Variants in MACROD2 observed in about 807,000 individuals in gnomAD.
The protein encoded by MACROD2 is mono-ADP ribosylhydrolase 2.
MACROD2 carries 36 observed loss-of-function variants against 70.4 expected under a neutral mutation model. That is an observed-to-expected ratio of 0.51 (90% CI 0.39 to 0.68). The LOEUF (loss-of-function observed/expected upper bound fraction) is 0.68, where lower values mean the gene tolerates loss of function less well. Ranked by LOEUF, MACROD2 falls within the 30% of genes least tolerant of loss-of-function variation. The pLI is 0.00. For synonymous variants in MACROD2, 172 were observed against 178.8 expected, an observed-to-expected ratio of 0.96 and a Z score of 0.30; for missense variants, 496 against 538.4, an observed-to-expected ratio of 0.92 and a Z score of 0.78.
chr20:15,603,315 T>C (rs2048847860), intron 8 of MACROD2, among the ~76,000 whole-genome samples: 1 of 151,244 alleles, frequency 6.6e-6, no homozygotes, highest in African/African-American at 2.4e-5. Flanking sequence ...CCTGGCCAAC[T>C]GGTGAAACCC....
rs1192411529 is a variant in MACROD2 at position 15,099,960 on chromosome 20, A to AG, written c.419-129979dup. On this transcript the variant is annotated intron_variant, in intron 5 of 17. Coordinates refer to ENST00000684519, the MANE Select transcript of MACROD2 (RefSeq NM_001351661.2). The stretch of plus-strand genomic sequence containing the variant: ...TTGAAAAAAAAAATTCAAAAGAAAA[A>AG]GAAAAAAAAAGAAATGGGAGGAAAG... Among the ~76,000 whole-genome samples the AG allele has an allele frequency of 3.9e-5, 6 of 151,998 alleles. No individual in the cohort carries two copies. The East Asian group carries it at 1.2e-3, about 29-fold the overall frequency.
At chr20:14,134,515 A>C (rs2054764003) in intron 3 of MACROD2, among the ~76,000 whole-genome samples, 1 of 152,204 alleles carries the variant, frequency 6.6e-6, no homozygotes, top group African/African-American at 2.4e-5. Flanking sequence ...GTTTATAAAG[A>C]GAATGATACG....
At chr20:16,002,540 CGATTGA>C (rs954659702) in intron 15 of MACROD2, among the ~76,000 whole-genome samples, 4 of 151,974 alleles carry the variant, frequency 2.6e-5, no homozygotes, top group African/African-American at 9.7e-5. Flanking sequence ...CACAAGAGAG[CGATTGA>C]GATTTGAACA....
chr20:15,005,014 G>T (rs1166154207), intron 5 of MACROD2, among the ~76,000 whole-genome samples: 1 of 152,142 alleles, frequency 6.6e-6, no homozygotes, highest in Non-Finnish European at 1.5e-5. Flanking sequence ...GTCTTTCTAG[G>T]TGGAACAACA....
At chr20:14,209,100 A>G (rs1359373954) in intron 3 of MACROD2, among the ~76,000 whole-genome samples, 2 of 152,234 alleles carry the variant, frequency 1.3e-5, no homozygotes, top group Admixed American at 1.3e-4. Flanking sequence ...GAATGTGGAA[A>G]CAAATAAATT....
chr20:14,697,504 A>G (rs1335863186), intron 5 of MACROD2, among the ~76,000 whole-genome samples: 1 of 152,182 alleles, frequency 6.6e-6, no homozygotes, highest in South Asian at 2.1e-4. Flanking sequence ...ATTTCTCCAT[A>G]TACCAAATTA....
At chr20:15,790,219 G>A (rs1015388197) in intron 8 of MACROD2, among the ~76,000 whole-genome samples, 5 of 151,622 alleles carry the variant, frequency 3.3e-5, no homozygotes, top group African/African-American at 1.2e-4. Flanking sequence ...AATGAATGGT[G>A]GTATATTGAA....
chr20:14,951,733 A>G lies in MACROD2; in HGVS notation c.418+266774A>G, dbSNP rs141358340. Among the ~76,000 whole-genome samples, 968 of 152,122 alleles carry G rather than the reference A, an allele frequency of 6.4e-3. 9 individuals carry two copies. Among genetic ancestry groups the G allele is most frequent in the Non-Finnish European group, 9.2e-3 (623 of 67,990 alleles). On this transcript the variant is annotated intron_variant, in intron 5 of 17. Transcript: ENST00000684519. ...TTTTCAAGCTCATGAAACTCTGACA[A>G]TCCTCCATGCTTAAAAGATAACCCC...
chr20:14,066,465 G>A (rs1279251084), intron 2 of MACROD2, among the ~76,000 whole-genome samples: 3 of 152,100 alleles, frequency 2.0e-5, no homozygotes, highest in Admixed American at 6.6e-5. Flanking sequence ...TTGTGAAATG[G>A]CAAAATATCA....
At chr20:14,452,753 T>C (rs935807427) in intron 3 of MACROD2, among the ~76,000 whole-genome samples, 1 of 152,174 alleles carries the variant, frequency 6.6e-6, no homozygotes, top group African/African-American at 2.4e-5. Context: ...GTAAACCGAA[T>C]AGCTTGTCTT....
chr20:14,959,551 C>T (rs2074565622), intron 5 of MACROD2, among the ~76,000 whole-genome samples: 1 of 151,798 alleles, frequency 6.6e-6, no homozygotes, highest in Non-Finnish European at 1.5e-5. Flanking sequence ...CCAACAAAAA[C>T]CCAGAACACA....
intron 3 of MACROD2, among the ~76,000 whole-genome samples, chr20:14,412,472 C>A (rs17812658): frequency 6.6e-6 from 1 of 152,130 alleles, no homozygotes; most frequent in East Asian, 1.9e-4. Context: ...CAGTTACAGA[C>A]CCTAGGAGCA....
At position 14,122,397 on chromosome 20, in the gene MACROD2, C is replaced by T. The variant is rs79690840; in HGVS notation, c.271+36669C>T. ...ATAAATAGTAGCTGTAAAAATACTG[C>T]ACCTAGGGTAAACTATAGAACAGTA... On this transcript the variant is annotated intron_variant, in intron 3 of 17. Coordinates refer to ENST00000684519, the MANE Select transcript of MACROD2 (RefSeq NM_001351661.2). 3.2e-3 allele frequency among the ~76,000 whole-genome samples: 484 copies of T among 152,284 alleles called. 2 individuals are homozygous for T. The highest frequency in any genetic ancestry group is 0.011 in the African/African-American group (458 of 41,562).
intron 5 of MACROD2, among the ~76,000 whole-genome samples, chr20:15,182,186 A>G (rs1249918567): frequency 1.3e-5 from 2 of 152,202 alleles, no homozygotes; most frequent in South Asian, 2.1e-4. Context: ...ATATCTTTTC[A>G]TATTCCTAAG....
intron 5 of MACROD2, among the ~76,000 whole-genome samples, chr20:14,823,415 C>T (rs753030321): frequency 4.6e-5 from 7 of 152,012 alleles, no homozygotes; most frequent in Non-Finnish European, 7.4e-5. Context: ...TTTTTATCCT[C>T]ATGTTAAAAC....
At chr20:14,050,596 G>C (rs527477810) in intron 2 of MACROD2, among the ~76,000 whole-genome samples, 1 of 152,180 alleles carries the variant, frequency 6.6e-6, no homozygotes, top group African/African-American at 2.4e-5. Context: ...AAAACCAACA[G>C]TGCAAAACAG....
chr20:14,736,096 T>C (rs1172181508), intron 5 of MACROD2, among the ~76,000 whole-genome samples: 1 of 152,144 alleles, frequency 6.6e-6, no homozygotes, highest in Non-Finnish European at 1.5e-5. Flanking sequence ...ATTTGATGAA[T>C]GGATAAAGGA....
At chr20:15,587,695 A>G (rs427069) in intron 8 of MACROD2, among the ~76,000 whole-genome samples, 116,742 of 152,150 alleles carry the variant, frequency 0.77, 45,465 homozygotes, top group African/African-American at 0.9. Flanking sequence ...GAAATCCAGC[A>G]GGGCAGTCAC....
chr20:15,479,806 C>G (rs1286390250), intron 7 of MACROD2, among the ~76,000 whole-genome samples: 1 of 152,104 alleles, frequency 6.6e-6, no homozygotes, highest in Non-Finnish European at 1.5e-5. Flanking sequence ...TTTGAACATG[C>G]CAGACAAATG....
Sources: allele counts gnomAD v4.1 joint callset (sites outside exome capture counted in the v4.1 genomes callset), GRCh38; gene constraint gnomAD v4.1.1; transcripts MANE v1.5; gene names NCBI Gene and HGNC (gene_info 2026-07-23, HGNC 2026-07-21).